The following GPC5 variants were observed in gnomAD, a reference collection of about 807,000 sequenced individuals.
The protein encoded by GPC5 is glypican-5.
In GPC5, 47 loss-of-function variants were observed where a neutral mutation model predicts 53.9. The ratio of observed to expected loss-of-function variants is 0.87; its 90% CI spans 0.69 to 1.11. The LOEUF (loss-of-function observed/expected upper bound fraction) is 1.11, where lower values mean the gene tolerates loss of function less well. GPC5 is among the 50% of genes most tolerant of loss of function. The probability of loss-of-function intolerance (pLI) is 0.00; values close to 1 mark genes in which losing one functional copy is unlikely to be tolerated. For synonymous variants in GPC5, 286 were observed against 263.3 expected, an observed-to-expected ratio of 1.09 and a Z score of -0.84; for missense variants, 748 against 713.1, an observed-to-expected ratio of 1.05 and a Z score of -0.56.
chr13:92,735,609 G>T (rs1258456290), intron 7 of GPC5, among the ~76,000 whole-genome samples: 2 of 151,860 alleles, frequency 1.3e-5, no homozygotes, highest in African/African-American at 4.8e-5. Context: ...GTGAGAAAAT[G>T]GAAAATGAAA....
chr13:91,512,867 A>C (rs918213849), intron 2 of GPC5, among the ~76,000 whole-genome samples: 22 of 151,952 alleles, frequency 1.4e-4, no homozygotes, highest in Admixed American at 1.0e-3. Flanking sequence ...TGTGTGTTTT[A>C]ATCTATAGTT....
chr13:92,820,409 A>G (rs1877633371), intron 7 of GPC5, among the ~76,000 whole-genome samples: 1 of 152,162 alleles, frequency 6.6e-6, no homozygotes, highest in Non-Finnish European at 1.5e-5. Flanking sequence ...TACAACCATC[A>G]TCTCTGAATT....
At chr13:91,520,981 T>A (rs1309758606) in intron 2 of GPC5, among the ~76,000 whole-genome samples, 1 of 152,184 alleles carries the variant, frequency 6.6e-6, no homozygotes, top group African/African-American at 2.4e-5. Context: ...AATCTAATTT[T>A]AAATTCTCAT....
intron 5 of GPC5, among the ~76,000 whole-genome samples, chr13:91,848,990 A>G (rs1386616646): frequency 6.6e-6 from 1 of 152,152 alleles, no homozygotes; most frequent in Non-Finnish European, 1.5e-5. Flanking sequence ...CTTAAATGTG[A>G]ACTATTTTTT....
chr13:91,522,410 TTATAA>T (rs1159262200), intron 2 of GPC5, among the ~76,000 whole-genome samples: 7 of 152,328 alleles, frequency 4.6e-5, no homozygotes, highest in African/African-American at 1.7e-4. Context: ...AATATGTATC[TTATAA>T]TAGCACACAT....
intron 6 of GPC5, among the ~76,000 whole-genome samples, chr13:92,019,496 AAAGT>A (rs2040737927): frequency 6.6e-6 from 1 of 152,078 alleles, no homozygotes; most frequent in Admixed American, 6.5e-5. Context: ...ATATGAACCT[AAAGT>A]AAGAGAACAA....
intron 2 of GPC5, among the ~76,000 whole-genome samples, chr13:91,502,372 G>GT (rs200904077): frequency 0.059 from 9,001 of 152,116 alleles, 365 homozygotes; most frequent in South Asian, 0.09. Context: ...GGTTTTTATG[G>GT]TTTTAGGTCT....
intron 7 of GPC5, among the ~76,000 whole-genome samples, chr13:92,169,770 A>T (rs569169502): frequency 1.9e-3 from 286 of 152,270 alleles, no homozygotes; most frequent in African/African-American, 6.4e-3. Context: ...AAATTATTTT[A>T]TAATTTGAGA....
intron 7 of GPC5, among the ~76,000 whole-genome samples, chr13:92,759,809 G>T (rs546536411): frequency 1.3e-5 from 2 of 152,142 alleles, no homozygotes; most frequent in African/African-American, 4.8e-5. Flanking sequence ...TAGAAGAAAA[G>T]TTTTCAGTAT....
chr13:92,132,391 A>C (rs569575058), intron 6 of GPC5, among the ~76,000 whole-genome samples: 1 of 152,188 alleles, frequency 6.6e-6, no homozygotes, highest in South Asian at 2.1e-4. Context: ...AAACACCAAA[A>C]ATTTATTGTG....
In GPC5 at chr13:91,650,750, G is replaced by GTTTTTGTTTTTTTTTTTTTTTTTTTT. The variant is rs1491353283; in HGVS notation, c.326-42432_326-42431insGTTTTTTTTTTTTTTTTTTTTTTTTT. On this transcript the variant is annotated intron_variant, in intron 2 of 7. Coordinates refer to ENST00000377067, the MANE Select transcript of GPC5 (RefSeq NM_004466.6). ...CATCTGTGAAACAAAATTCCCATAA[G>GTTTTTGTTTTTTTTTTTTTTTTTTTT]TTTTTTTTTTTTTTTTTTTTTTAGC... is the stretch of plus-strand genomic sequence containing the variant. Among the ~76,000 whole-genome samples, 118 of 99,598 alleles carry GTTTTTGTTTTTTTTTTTTTTTTTTTT rather than the reference G, an allele frequency of 1.2e-3. 5 individuals are homozygous for GTTTTTGTTTTTTTTTTTTTTTTTTTT. Among genetic ancestry groups the GTTTTTGTTTTTTTTTTTTTTTTTTTT allele is most frequent in the Middle Eastern group, 6.0e-3 (1 of 166 alleles). The allele number at this position is 99,598 out of a possible 152,430, so 65.3% of individuals were successfully genotyped here. A position where few individuals can be genotyped will look rare whatever the true frequency, so the allele number is the denominator to read the frequency against.
chr13:92,469,001 T>A (rs1878806643), intron 7 of GPC5, among the ~76,000 whole-genome samples: 1 of 152,162 alleles, frequency 6.6e-6, no homozygotes, highest in African/African-American at 2.4e-5. Context: ...AAATTATCAC[T>A]CTGTCTTAAA....
At chr13:91,879,340 G>C (rs375508935) in intron 5 of GPC5, among the ~76,000 whole-genome samples, 1 of 152,066 alleles carries the variant, frequency 6.6e-6, no homozygotes, top group African/African-American at 2.4e-5. Flanking sequence ...TAACTACTTT[G>C]CTAAATTTTA....
chr13:92,285,554 T>C (rs2042948085), intron 7 of GPC5, among the ~76,000 whole-genome samples: 2 of 152,018 alleles, frequency 1.3e-5, no homozygotes, highest in Non-Finnish European at 2.9e-5. Context: ...TATAGACCAA[T>C]GGAACAGAAC....
chr13:92,381,881 T>TATATAATC (rs2043745795), intron 7 of GPC5, among the ~76,000 whole-genome samples: 2 of 39,668 alleles, frequency 5.0e-5, no homozygotes, highest in African/African-American at 1.7e-4. Context: ...TATATATGAT[T>TATATAATC]ATATATATTA....
At chr13:92,027,919 G>A (rs752523233) in intron 6 of GPC5, among the ~76,000 whole-genome samples, 12 of 151,500 alleles carry the variant, frequency 7.9e-5, no homozygotes, top group Non-Finnish European at 1.8e-4. Flanking sequence ...CTAAAACATC[G>A]ATATGCAAAA....
intron 3 of GPC5, among the ~76,000 whole-genome samples, chr13:91,701,722 A>T (rs987176929): frequency 1.3e-5 from 2 of 152,110 alleles, no homozygotes; most frequent in Non-Finnish European, 2.9e-5. Flanking sequence ...TTGATTCTGT[A>T]TCTTGACTAT....
At chr13:92,073,431 G>A (rs928261425) in intron 6 of GPC5, among the ~76,000 whole-genome samples, 1 of 152,094 alleles carries the variant, frequency 6.6e-6, no homozygotes, top group African/African-American at 2.4e-5. Flanking sequence ...GGTTTCCAAG[G>A]CATTAATCAA....
chr13:91,610,628 T>G lies in GPC5; in HGVS notation c.326-82559T>G, dbSNP rs73603977. Among the ~76,000 whole-genome samples, 491 of 152,334 alleles carry G rather than the reference T, an allele frequency of 3.2e-3. 2 individuals carry two copies. The highest frequency in any genetic ancestry group is 0.011 in the African/African-American group (463 of 41,574). ...AAATCATTTTGCTGTAAGTTTAGCT[T>G]TACTGTTTAGTTGATTTCATTTAAT... On this transcript the variant is annotated intron_variant, in intron 2 of 7. Coordinates refer to ENST00000377067, the MANE Select transcript of GPC5 (RefSeq NM_004466.6).
Sources: gnomAD v4.1 joint callset for allele counts (sites outside exome capture counted in the v4.1 genomes callset) on GRCh38, gnomAD v4.1.1 for gene constraint, MANE v1.5 for transcripts, NCBI Gene and HGNC (gene_info 2026-07-23, HGNC 2026-07-21) for gene names.